Variants in SLC43A1 observed in about 807,000 individuals in gnomAD.
SLC43A1 encodes the protein solute carrier family 43 member 1.
A neutral mutation model predicts 59.5 loss-of-function variants in SLC43A1; 31 were observed. The observed-to-expected ratio is 0.52, with a 90% CI of 0.39 to 0.70. The LOEUF is 0.70. SLC43A1 is among the 30% of genes least tolerant of loss of function. The pLI is 0.00. For synonymous variants in SLC43A1, 259 were observed against 290.9 expected, an observed-to-expected ratio of 0.89 and a Z score of 1.12; for missense variants, 598 against 717.8, an observed-to-expected ratio of 0.83 and a Z score of 1.91.
chr11:57,486,103 G>A (rs757258083), intron 14 of SLC43A1, among the ~76,000 whole-genome samples: 4 of 152,242 alleles, frequency 2.6e-5, no homozygotes, highest in African/African-American at 9.6e-5. Context: ...TCCCACACTA[G>A]GTAGAACTGG....
rs1193726862 is a variant in SLC43A1, at chr11:57,491,960, T to C, written c.872-98A>G. 4 of 1,191,954 alleles carry C rather than the reference T, an allele frequency of 3.4e-6. No homozygotes were observed. In the Admixed American group the frequency reaches 7.1e-5, roughly 21 times the overall value. 73.8% of individuals were successfully genotyped at this position (1,191,954 alleles called of 1,614,324 possible). ...TTCTTGGGGGGAGTGACACTAACTA[T>C]GTGACTTTGGAGAGAGACTGGTTTC... On this transcript the variant is annotated intron_variant, in intron 8 of 14. Transcript: ENST00000278426.
chr11:57,513,957 C>G lies in SLC43A1; in HGVS notation c.154+1G>C. On this transcript the variant is annotated splice_donor_variant, in intron 2 of 14. Coordinates refer to ENST00000278426, the MANE Select transcript of SLC43A1 (RefSeq NM_003627.6). LOFTEE classifies it high-confidence loss of function. Reference sequence around the variant, plus strand: ...CCCACCCAGCCCATTTTCAGGCATACCTGGGCACGTGCTGGAATAGAAGCC... The same window carrying G: ...CCCACCCAGCCCATTTTCAGGCATAGCTGGGCACGTGCTGGAATAGAAGCC... 1 of 535,682 alleles carries G rather than the reference C, an allele frequency of 1.9e-6. No homozygotes were observed. Among genetic ancestry groups the G allele is most frequent in the Non-Finnish European group, 3.6e-6 (1 of 277,426 alleles). 33.2% of individuals were successfully genotyped at this position (535,682 alleles called of 1,614,324 possible). A position where few individuals can be genotyped will look rare whatever the true frequency, so the allele number is the denominator to read the frequency against.
intron 2 of SLC43A1, among the ~76,000 whole-genome samples, chr11:57,511,666 G>A (rs1360272752): frequency 6.6e-6 from 1 of 152,050 alleles, no homozygotes; most frequent in Non-Finnish European, 1.5e-5. Context: ...ACTGACAAAT[G>A]GATAAATAGA....
chr11:57,494,966 A>G (rs1944036603), intron 7 of SLC43A1, among the ~76,000 whole-genome samples: 1 of 151,090 alleles, frequency 6.6e-6, no homozygotes, highest in African/African-American at 2.4e-5. Context: ...CTCCTGCCTC[A>G]GCCTCCTGAC....
At chr11:57,504,037 CAAAA>C (rs796312691) in intron 2 of SLC43A1, among the ~76,000 whole-genome samples, 1 of 148,800 alleles carries the variant, frequency 6.7e-6, no homozygotes, top group Non-Finnish European at 1.5e-5. Flanking sequence ...ACTAAAAATA[CAAAA>C]AAAAAATTAG....
At chr11:57,504,097 T>C (rs552807250) in intron 2 of SLC43A1, among the ~76,000 whole-genome samples, 1 of 152,242 alleles carries the variant, frequency 6.6e-6, no homozygotes, top group East Asian at 1.9e-4. Context: ...CTTGGGAGGC[T>C]GAGGCAGGAG....
chr11:57,491,555 T>C lies in SLC43A1; in HGVS notation c.1054+36A>G, dbSNP rs545234607. ...CCCTGAGAAGCGGGTTGCAGTGGGG[T>C]GGGCGTGAGCCAGGGCCCTGCTTTC... On this transcript the variant is annotated intron_variant, in intron 10 of 14. Coordinates refer to ENST00000278426, the MANE Select transcript of SLC43A1 (RefSeq NM_003627.6). The C allele has an allele frequency of 9.4e-5, 152 of 1,613,046 alleles. No individual in the cohort carries two copies. In the South Asian group the frequency reaches 1.5e-3, roughly 16 times the overall value.
chr11:57,492,288 A>G (rs1943931361), intron 8 of SLC43A1, among the ~76,000 whole-genome samples: 1 of 142,160 alleles, frequency 7.0e-6, no homozygotes, highest in Admixed American at 7.3e-5. Flanking sequence ...ATATATAAAA[A>G]TATATATATA....
chr11:57,502,124 A>G lies in SLC43A1; in HGVS notation c.155-795T>C, dbSNP rs200998681. 2.0e-5 allele frequency among the ~76,000 whole-genome samples: 3 copies of G among 152,224 alleles called. No individual in the cohort carries two copies. In the East Asian group the frequency reaches 5.8e-4, roughly 29 times the overall value. On this transcript the variant is annotated intron_variant, in intron 2 of 14. Transcript: ENST00000278426. ...GCCAACTTGGAGTTGTGACAAGTTA[A>G]GGAGAAAAGCTAGTGATAGGAGACA...
chr11:57,514,758 T>TC lies in SLC43A1; in HGVS notation c.-13-635dup, dbSNP rs1944641213. The TC allele has an allele frequency of 2.1e-6, 2 of 946,510 alleles. No individual in the cohort carries two copies. Among genetic ancestry groups the TC allele is most frequent in the South Asian group, 4.9e-5 (1 of 20,478 alleles). The allele number at this position is 946,510 out of a possible 1,614,324, so 58.6% of individuals were successfully genotyped here. ...GGACGGGCTCTCCTCGGTTCCCTCC[T>TC]CCCCCGCGCGCCCCTCACTCACTCC... On this transcript the variant is annotated intron_variant, in intron 1 of 14. Transcript: ENST00000278426. This position sits in a 1 kb window ranked among gnomAD's most constrained non-coding sequence, Gnocchi z 5.5.
chr11:57,494,498 C>T, intron 7 of SLC43A1: 1 of 347,204 alleles, frequency 2.9e-6, no homozygotes, highest in Non-Finnish European at 5.2e-6. Context: ...AATGGCATGA[C>T]CTTTGGAAAG....
rs955806819 is a variant in SLC43A1, at chr11:57,514,155, C to G, written c.-13-31G>C. On this transcript the variant is annotated intron_variant, in intron 1 of 14. Coordinates refer to ENST00000278426, the MANE Select transcript of SLC43A1 (RefSeq NM_003627.6). This position sits in a 1 kb window ranked among gnomAD's most constrained non-coding sequence, Gnocchi z 5.5. ...CAGAAACAGAGCGCTGGGTGAAGGG[C>G]CCCCCAGTGGCCCCAGGGAAGGGTC... The G allele has an allele frequency of 6.5e-7, 1 of 1,537,512 alleles. No homozygotes were observed. The highest frequency in any genetic ancestry group is 2.1e-5 in the Admixed American group (1 of 48,458).
intron 2 of SLC43A1, among the ~76,000 whole-genome samples, chr11:57,502,873 CAAA>C (rs35873904): frequency 1.7e-4 from 11 of 62,874 alleles, no homozygotes; most frequent in Non-Finnish European, 2.3e-4. Flanking sequence ...GGCCCTGTCT[CAAA>C]AAAAAAAAAA....
Position 57,515,099 on chromosome 11 carries a change from C to T in SLC43A1, c.-14+345G>A. Reference sequence around the variant, plus strand: ...AGACCCAGAGAGAGGGGAGGAAGTACCAGTCACTTCTTCCAGGGGGACTCG... The same window carrying T: ...AGACCCAGAGAGAGGGGAGGAAGTATCAGTCACTTCTTCCAGGGGGACTCG... On this transcript the variant is annotated intron_variant, in intron 1 of 14. Coordinates refer to ENST00000278426, the MANE Select transcript of SLC43A1 (RefSeq NM_003627.6). The surrounding 1 kb of genome is among the most constrained non-coding windows in gnomAD (Gnocchi z 5.3). The T allele has an allele frequency of 5.1e-6, 5 of 983,234 alleles. No individual in the cohort carries two copies. The South Asian group carries it at 1.4e-4, about 28-fold the overall frequency. 60.9% of individuals were successfully genotyped at this position (983,234 alleles called of 1,614,324 possible).
chr11:57,512,324 G>A (rs990653230), intron 2 of SLC43A1, among the ~76,000 whole-genome samples: 1 of 152,118 alleles, frequency 6.6e-6, no homozygotes, highest in African/African-American at 2.4e-5. Context: ...AAGAGTGGTG[G>A]CTCATGTCTA....
Position 57,514,653 on chromosome 11 carries a change from TC to T in SLC43A1, c.-13-530del. The T allele has an allele frequency of 5.0e-6, 1 of 199,514 alleles. No individual in the cohort carries two copies. Among genetic ancestry groups the T allele is most frequent in the Non-Finnish European group, 9.1e-6 (1 of 110,210 alleles). The allele number at this position is 199,514 out of a possible 1,614,324, so 12.4% of individuals were successfully genotyped here. On this transcript the variant is annotated intron_variant, in intron 1 of 14. Transcript: ENST00000278426. This position sits in a 1 kb window ranked among gnomAD's most constrained non-coding sequence, Gnocchi z 5.5. The stretch of plus-strand genomic sequence containing the variant: ...TCTGGGGCCGGGCGACAGCAAGCCC[TC>T]CCCCTTTCCGTATCAGGTGACCCAC...
intron 5 of SLC43A1, 48 bp downstream of exon 5, chr11:57,500,731 A>C (rs202016671): frequency 1.3e-6 from 2 of 1,562,320 alleles, no homozygotes; most frequent in African/African-American, 2.7e-5. Flanking sequence ...CTCTGCCCTC[A>C]CCCCACTCGG....
intron 8 of SLC43A1, among the ~76,000 whole-genome samples, chr11:57,492,733 T>C (rs1194225587): frequency 9.4e-5 from 1 of 10,588 alleles, no homozygotes; most frequent in Non-Finnish European, 1.8e-4. Flanking sequence ...GTCTCTATTT[T>C]ACAAAAAAAA....
intron 2 of SLC43A1, among the ~76,000 whole-genome samples, chr11:57,513,640 TAAGAA>T (rs1212661132): frequency 6.6e-6 from 1 of 152,184 alleles, no homozygotes; most frequent in Non-Finnish European, 1.5e-5. Flanking sequence ...ATAGCCCTAT[TAAGAA>T]ATTCCTCTCC....
Sources: gnomAD v4.1 joint callset for allele counts (sites outside exome capture counted in the v4.1 genomes callset) on GRCh38, gnomAD v4.1.1 for gene constraint, Gnocchi (gnomAD v3.1) non-coding constraint, MANE v1.5 for transcripts, NCBI Gene and HGNC (gene_info 2026-07-23, HGNC 2026-07-21) for gene names.